The following SEPTIN7 variants were observed in gnomAD, a reference collection of about 807,000 sequenced individuals.
SEPTIN7 encodes the protein septin-7.
SEPTIN7 carries 10 observed loss-of-function variants against 63.3 expected under a neutral mutation model. That is an observed-to-expected ratio of 0.16 (90% CI 0.10 to 0.27). The LOEUF is 0.27. Among genes scored for constraint, SEPTIN7 ranks in the 10% least tolerant of loss-of-function variants. The pLI is 1.00. For synonymous variants in SEPTIN7, 131 were observed against 165.3 expected (o/e 0.79, Z 1.59); for missense variants, 310 against 521.0 (o/e 0.59, Z 3.94).
Position 35,872,585 on chromosome 7 carries a change from C to G in SEPTIN7, c.277-81C>G, listed in dbSNP as rs180733037. On this transcript the variant is annotated intron_variant, in intron 4 of 13. Coordinates refer to ENST00000350320, the MANE Select transcript of SEPTIN7 (RefSeq NM_001788.6). ...GTTTCCCAGTTGGTTTTGATAAACT[C>G]GAACGTCCCTACCATCACCCCTTGT... is the stretch of plus-strand genomic sequence containing the variant. The G allele has an allele frequency of 1.1e-4, 111 of 1,038,918 alleles. No individual in the cohort carries two copies. The Admixed American group carries it at 1.9e-3, about 18-fold the overall frequency. The allele number at this position is 1,038,918 out of a possible 1,614,324, so 64.4% of individuals were successfully genotyped here.
chr7:35,843,673 T>C (rs1784521940), intron 3 of SEPTIN7, among the ~76,000 whole-genome samples: 1 of 152,190 alleles, frequency 6.6e-6, no homozygotes, highest in Non-Finnish European at 1.5e-5. Flanking sequence ...TGGAAAAATT[T>C]AGCTGGGAAA....
chr7:35,884,729 C>T (rs1787120378), intron 9 of SEPTIN7, among the ~76,000 whole-genome samples: 1 of 152,106 alleles, frequency 6.6e-6, no homozygotes, highest in Admixed American at 6.6e-5. Flanking sequence ...TTTGATATCT[C>T]ATATTTAGAG....
intron 7 of SEPTIN7, 110 bp from the exon 8 acceptor site, chr7:35,882,374 G>C: frequency 1.4e-6 from 1 of 734,458 alleles, no homozygotes; most frequent in Non-Finnish European, 1.9e-6. Flanking sequence ...AAACAGTAAA[G>C]GATCTGGAAC....
chr7:35,879,610 G>GAC lies in SEPTIN7; in HGVS notation c.513-212_513-211dup, dbSNP rs1786707569. On this transcript the variant is annotated intron_variant, in intron 6 of 13. Coordinates refer to ENST00000350320, the MANE Select transcript of SEPTIN7 (RefSeq NM_001788.6). ...TTCCTCTTTAGGGCCAAAACCCTGT[G>GAC]ACCAGGGTTCAAGGGCAGGAGTCAA... The GAC allele has an allele frequency of 7.7e-6, 3 of 387,102 alleles. No homozygotes were observed. The South Asian group carries it at 2.1e-4, about 27-fold the overall frequency. The allele number at this position is 387,102 out of a possible 1,614,324, so 24.0% of individuals were successfully genotyped here.
chr7:35,889,349 A>T lies in SEPTIN7; in HGVS notation c.873-1319A>T, dbSNP rs138814398. On this transcript the variant is annotated intron_variant, in intron 10 of 13. Coordinates refer to ENST00000350320, the MANE Select transcript of SEPTIN7 (RefSeq NM_001788.6). ...ATTGAGGGACAGAGTCTGGGAGATG[A>T]GATTTTTGGAAAAACCAGACTTAGG... Among the ~76,000 whole-genome samples, 1,311 of 152,302 alleles carry T rather than the reference A, an allele frequency of 8.6e-3. 14 individuals carry two copies. Among genetic ancestry groups the T allele is most frequent in the African/African-American group, 8.8e-3 (364 of 41,562 alleles).
chr7:35,866,397 G>T (rs1785807778), intron 4 of SEPTIN7, among the ~76,000 whole-genome samples: 1 of 152,144 alleles, frequency 6.6e-6, no homozygotes, highest in African/African-American at 2.4e-5. Context: ...AGAGGGGAGT[G>T]GTCACCAGTA....
intron 10 of SEPTIN7, among the ~76,000 whole-genome samples, chr7:35,886,884 G>T (rs192646853): frequency 6.6e-6 from 1 of 152,180 alleles, no homozygotes; most frequent in African/African-American, 2.4e-5. Context: ...TACAATAGAG[G>T]TGAGAGTGAA....
At chr7:35,860,438 G>A (rs1441579881) in intron 3 of SEPTIN7, among the ~76,000 whole-genome samples, 1 of 151,952 alleles carries the variant, frequency 6.6e-6, no homozygotes, top group Non-Finnish European at 1.5e-5. Flanking sequence ...ACCTTTACGG[G>A]ATCTTTATAT....
chr7:35,834,099 C>A (rs1313930310), intron 3 of SEPTIN7, among the ~76,000 whole-genome samples: 2 of 151,898 alleles, frequency 1.3e-5, no homozygotes, highest in Non-Finnish European at 2.9e-5. Flanking sequence ...TAATGCAGAG[C>A]ATACCTTTTC....
intron 1 of SEPTIN7, among the ~76,000 whole-genome samples, chr7:35,810,379 A>C (rs1277078704): frequency 1.3e-5 from 2 of 149,752 alleles, no homozygotes; most frequent in Admixed American, 1.3e-4. Flanking sequence ...GCTATAGTGC[A>C]GTGGCGCGAT....
intron 5 of SEPTIN7, among the ~76,000 whole-genome samples, chr7:35,872,991 A>T (rs41276015): frequency 0.053 from 8,113 of 152,206 alleles, 277 homozygotes; most frequent in South Asian, 0.18. Flanking sequence ...CCTATCATAA[A>T]ATTGTTTTTA....
intron 1 of SEPTIN7, among the ~76,000 whole-genome samples, chr7:35,828,923 C>T (rs1444399561): frequency 2.6e-5 from 4 of 152,126 alleles, no homozygotes. Flanking sequence ...CTCTGGATGG[C>T]TGAGAGCTAT....
chr7:35,850,055 C>T (rs1161996714), intron 3 of SEPTIN7, among the ~76,000 whole-genome samples: 1 of 152,200 alleles, frequency 6.6e-6, no homozygotes, highest in Non-Finnish European at 1.5e-5. Flanking sequence ...TTAATTTCAT[C>T]TACCTTTCAA....
At chr7:35,809,145 A>C (rs1322612616) in intron 1 of SEPTIN7, among the ~76,000 whole-genome samples, 2 of 152,214 alleles carry the variant, frequency 1.3e-5, no homozygotes, top group African/African-American at 4.8e-5. Flanking sequence ...CACGTTTTGT[A>C]CTTGCTGTGT....
chr7:35,816,859 C>G (rs1156829349), intron 1 of SEPTIN7, among the ~76,000 whole-genome samples: 1 of 152,082 alleles, frequency 6.6e-6, no homozygotes, highest in Non-Finnish European at 1.5e-5. Flanking sequence ...ATTTGTACAC[C>G]TTCTCTGGAG....
chr7:35,892,931 G>A (rs117192907), intron 11 of SEPTIN7, among the ~76,000 whole-genome samples: 7,102 of 152,260 alleles, frequency 0.047, 251 homozygotes, highest in South Asian at 0.18. Flanking sequence ...ATAGGAATTA[G>A]ACTGTTACTA....
intron 10 of SEPTIN7, among the ~76,000 whole-genome samples, chr7:35,887,423 C>G (rs564685922): frequency 6.6e-6 from 1 of 152,174 alleles, no homozygotes; most frequent in Non-Finnish European, 1.5e-5. Flanking sequence ...GATCTTGGCT[C>G]GCTGCAGCCT....
At chr7:35,896,102 C>T (rs1294533964) in intron 11 of SEPTIN7, among the ~76,000 whole-genome samples, 1 of 152,230 alleles carries the variant, frequency 6.6e-6, no homozygotes, top group Non-Finnish European at 1.5e-5. Context: ...AACCACCGTG[C>T]CCGGCTTAAA....
At chr7:35,801,684 C>T (rs1453167755) in intron 1 of SEPTIN7, among the ~76,000 whole-genome samples, 1 of 152,166 alleles carries the variant, frequency 6.6e-6, no homozygotes, top group Non-Finnish European at 1.5e-5. Flanking sequence ...CGGCCGCATC[C>T]CCGTCGGCAG....
Sources: gnomAD v4.1 joint callset for allele counts (sites outside exome capture counted in the v4.1 genomes callset) on GRCh38, gnomAD v4.1.1 for gene constraint, MANE v1.5 for transcripts, NCBI Gene and HGNC (gene_info 2026-07-23, HGNC 2026-07-21) for gene names.